Variants in ZFPM2 observed in about 807,000 individuals in gnomAD.
The protein encoded by ZFPM2 is zinc finger protein ZFPM2.
Under a neutral mutation model 98.6 loss-of-function variants are expected in ZFPM2, and 20 were observed. The ratio of observed to expected loss-of-function variants is 0.20; its 90% CI spans 0.14 to 0.29. The LOEUF (loss-of-function observed/expected upper bound fraction) is 0.29, where lower values mean the gene tolerates loss of function less well. ZFPM2 is among the 10% of genes least tolerant of loss of function. ZFPM2 has a pLI of 1.00. For synonymous variants in ZFPM2, 518 were observed against 502.7 expected (o/e 1.03, Z -0.41); for missense variants, 1,310 against 1,388.6 (o/e 0.94, Z 0.90).
chr8:105,588,518 A>G lies in ZFPM2; in HGVS notation c.420+27037A>G, dbSNP rs184237894. Among the ~76,000 whole-genome samples the G allele has an allele frequency of 3.2e-4, 49 of 152,310 alleles. No individual in the cohort carries two copies. The East Asian group carries it at 8.7e-3, about 27-fold the overall frequency. ...CCAGTTTGAAAACACTTCGTTACAT[A>G]AGATTCTTCCCATTGACCCTTTGGG... On this transcript the variant is annotated intron_variant, in intron 4 of 7. Transcript: ENST00000407775.
intron 6 of ZFPM2, among the ~76,000 whole-genome samples, chr8:105,789,333 G>GTGTT (rs1162726181): frequency 6.6e-6 from 1 of 152,048 alleles, no homozygotes; most frequent in Non-Finnish European, 1.5e-5. Flanking sequence ...AGAATATGCG[G>GTGTT]TGTTTGGTTT....
intron 5 of ZFPM2, among the ~76,000 whole-genome samples, chr8:105,661,553 C>T (rs1270882958): frequency 1.3e-5 from 2 of 152,156 alleles, no homozygotes; most frequent in Non-Finnish European, 2.9e-5. Flanking sequence ...TGTTAGACCG[C>T]AGACCTTTAG....
rs1812355868 is a variant in ZFPM2 at position 105,445,760 on chromosome 8, A to G, written c.301+1379A>G. Reference sequence around the variant, plus strand: ...GCTGGGACTTCAGGCATGCACCACCACAACTGCCTAATTTTTATATTTTTT... The same window carrying G: ...GCTGGGACTTCAGGCATGCACCACCGCAACTGCCTAATTTTTATATTTTTT... On this transcript the variant is annotated intron_variant, in intron 3 of 7. Transcript: ENST00000407775. Among the ~76,000 whole-genome samples the G allele has an allele frequency of 2.0e-5, 3 of 151,312 alleles. No individual in the cohort carries two copies. In the South Asian group the frequency reaches 6.3e-4, roughly 32 times the overall value.
intron 2 of ZFPM2, among the ~76,000 whole-genome samples, chr8:105,421,868 G>A (rs776695335): frequency 1.3e-5 from 2 of 150,784 alleles, no homozygotes; most frequent in African/African-American, 2.4e-5. Context: ...CCAACACGGC[G>A]AAACCCTGTC....
chr8:105,695,845 T>G (rs1389403639), intron 5 of ZFPM2, among the ~76,000 whole-genome samples: 1 of 152,136 alleles, frequency 6.6e-6, no homozygotes, highest in Non-Finnish European at 1.5e-5. Context: ...CTTTTCTAAG[T>G]GTAGATGATC....
intron 1 of ZFPM2, among the ~76,000 whole-genome samples, chr8:105,406,201 A>G (rs1207520461): frequency 6.6e-6 from 1 of 152,180 alleles, no homozygotes; most frequent in Non-Finnish European, 1.5e-5. Flanking sequence ...AGTAGGTTGC[A>G]AAAATTTTCT....
Position 105,484,056 on chromosome 8 carries a change from C to A in ZFPM2, c.301+39675C>A, listed in dbSNP as rs185660402. Among the ~76,000 whole-genome samples the A allele has an allele frequency of 3.9e-5, 6 of 152,024 alleles. No homozygotes were observed. The East Asian group carries it at 1.2e-3, about 29-fold the overall frequency. Reference sequence around the variant, plus strand: ...GCCTCTTTGATTACTTTTAAATCTTCTTTTTTACTTTGATGTTCTGCAGTT... The same window carrying A: ...GCCTCTTTGATTACTTTTAAATCTTATTTTTTACTTTGATGTTCTGCAGTT... On this transcript the variant is annotated intron_variant, in intron 3 of 7. Transcript: ENST00000407775.
intron 5 of ZFPM2, among the ~76,000 whole-genome samples, chr8:105,643,431 G>T (rs1479203492): frequency 6.6e-6 from 1 of 151,538 alleles, no homozygotes; most frequent in African/African-American, 2.4e-5. Context: ...TCTCTTTTTG[G>T]TCTTTACTGG....
At chr8:105,711,598 G>T (rs556776762) in intron 5 of ZFPM2, among the ~76,000 whole-genome samples, 1 of 151,864 alleles carries the variant, frequency 6.6e-6, no homozygotes, top group Non-Finnish European at 1.5e-5. Context: ...AAAATATTCA[G>T]AGTGCATACT....
At chr8:105,460,530 TG>T (rs754102541) in intron 3 of ZFPM2, among the ~76,000 whole-genome samples, 3 of 152,112 alleles carry the variant, frequency 2.0e-5, no homozygotes, top group Non-Finnish European at 4.4e-5. Flanking sequence ...ATGGCCCACC[TG>T]GCATCATATG....
At chr8:105,435,825 A>C (rs1812108551) in intron 2 of ZFPM2, among the ~76,000 whole-genome samples, 1 of 152,214 alleles carries the variant, frequency 6.6e-6, no homozygotes, top group Admixed American at 6.5e-5. Context: ...TCCTAAAAGT[A>C]ATTCGAAGAT....
At chr8:105,554,720 A>G (rs542879714) in intron 3 of ZFPM2, among the ~76,000 whole-genome samples, 4 of 152,316 alleles carry the variant, frequency 2.6e-5, no homozygotes, top group Non-Finnish European at 2.9e-5. Context: ...GCTATGTCCT[A>G]TGAAATCTGA....
At chr8:105,694,817 T>C (rs1810976795) in intron 5 of ZFPM2, among the ~76,000 whole-genome samples, 1 of 152,186 alleles carries the variant, frequency 6.6e-6, no homozygotes, top group Non-Finnish European at 1.5e-5. Flanking sequence ...AAATTTCAAT[T>C]ACTATTAAGA....
chr8:105,648,309 G>C (rs796298063), intron 5 of ZFPM2, among the ~76,000 whole-genome samples: 1 of 152,020 alleles, frequency 6.6e-6, no homozygotes, highest in African/African-American at 2.4e-5. Context: ...TTGCAAAAAT[G>C]TTCTCCCATT....
intron 4 of ZFPM2, among the ~76,000 whole-genome samples, chr8:105,606,394 A>T (rs977078724): frequency 6.6e-6 from 1 of 151,764 alleles, no homozygotes; most frequent in Non-Finnish European, 1.5e-5. Context: ...TAGTATGGTG[A>T]TGGAGAGCTC....
intron 3 of ZFPM2, among the ~76,000 whole-genome samples, chr8:105,527,777 G>T (rs1052014481): frequency 6.6e-6 from 1 of 152,186 alleles, no homozygotes; most frequent in African/African-American, 2.4e-5. Flanking sequence ...GACTGACTGG[G>T]ACACATTCTG....
intron 5 of ZFPM2, chr8:105,678,621 T>C (rs1407588357): frequency 6.6e-6 from 1 of 152,218 alleles, no homozygotes; most frequent in Admixed American, 6.5e-5. Flanking sequence ...GTACTAAGTC[T>C]GATAACTAAC....
At chr8:105,518,672 A>G (rs1490093612) in intron 3 of ZFPM2, among the ~76,000 whole-genome samples, 1 of 152,186 alleles carries the variant, frequency 6.6e-6, no homozygotes, top group African/African-American at 2.4e-5. Flanking sequence ...TTGAAATGTA[A>G]TTGTTATGAA....
Position 105,801,454 on chromosome 8 carries a change from C to T in ZFPM2, c.1372C>T (p.Pro458Ser). 2 of 1,613,894 alleles carry T rather than the reference C, an allele frequency of 1.2e-6. No homozygotes were observed. The highest frequency in any genetic ancestry group is 1.7e-6 in the Non-Finnish European group (2 of 1,179,860). ...CACGAACCAGAGACCAGAGATACAG[C>T]CTACAACAAATAAACAAAGCTTTTC... The part of the protein sequence containing the change: ...FLTNQRPEIQ[P>S]TTNKQSFSYT... The change falls in exon 8 of 8, where the codon CCT becomes TCT. Residue 458 changes from proline (P) to serine (S), a missense_variant. Transcript: ENST00000407775.
Sources: allele counts gnomAD v4.1 joint callset (sites outside exome capture counted in the v4.1 genomes callset), GRCh38; gene constraint gnomAD v4.1.1; transcripts MANE v1.5; gene names NCBI Gene and HGNC (gene_info 2026-07-23, HGNC 2026-07-21).